The following ZNRF3 variants were observed in gnomAD, a reference collection of about 807,000 sequenced individuals.
The protein encoded by ZNRF3 is E3 ubiquitin-protein ligase ZNRF3.
Under a neutral mutation model 72.5 loss-of-function variants are expected in ZNRF3, and 23 were observed. That is an observed-to-expected ratio of 0.32 (90% CI 0.23 to 0.45). The LOEUF is 0.45. ZNRF3 is among the 20% of genes least tolerant of loss of function. The pLI is 1.00. For synonymous variants in ZNRF3, 610 were observed against 545.3 expected (o/e 1.12, Z -1.65); for missense variants, 1,169 against 1,272.1 (o/e 0.92, Z 1.23).
At chr22:29,037,039 G>A (rs1374794053) in intron 2 of ZNRF3, among the ~76,000 whole-genome samples, 2 of 152,192 alleles carry the variant, frequency 1.3e-5, no homozygotes, top group East Asian at 1.9e-4. Flanking sequence ...AGGAATGTGG[G>A]ACAAATGAGA....
intron 1 of ZNRF3, among the ~76,000 whole-genome samples, chr22:28,892,004 G>C (rs2033896560): frequency 6.6e-6 from 1 of 152,192 alleles, no homozygotes; most frequent in Admixed American, 6.5e-5. Flanking sequence ...GGCATTTAAA[G>C]GGATTTCTGG....
Position 28,963,951 on chromosome 22 carries a change from A to G in ZNRF3, c.301-23125A>G, listed in dbSNP as rs191132607. ...GCCAGAGACGGATGGTTAAAAAGAA[A>G]AGAAAGAAGAAGATCCTGTGGACTT... On this transcript the variant is annotated intron_variant, in intron 1 of 8. Coordinates refer to ENST00000544604, the MANE Select transcript of ZNRF3 (RefSeq NM_001206998.2). Among the ~76,000 whole-genome samples the G allele has an allele frequency of 1.4e-4, 21 of 152,252 alleles. 1 individual carries two copies. The highest frequency in any genetic ancestry group is 1.4e-3 in the Admixed American group (21 of 15,282).
At chr22:28,898,974 G>T (rs2034055589) in intron 1 of ZNRF3, among the ~76,000 whole-genome samples, 1 of 140,082 alleles carries the variant, frequency 7.1e-6, no homozygotes, top group Non-Finnish European at 1.5e-5. Context: ...GGACAGTGGT[G>T]ATTACATGGG....
At chr22:29,042,084 T>A (rs2036973106) in intron 2 of ZNRF3, among the ~76,000 whole-genome samples, 1 of 152,212 alleles carries the variant, frequency 6.6e-6, no homozygotes, top group African/African-American at 2.4e-5. Context: ...GACCTCATGA[T>A]TACCATACAA....
chr22:29,049,467 C>G lies in ZNRF3; in HGVS notation c.1286C>G (p.Ala429Gly). The stretch of plus-strand genomic sequence containing the variant: ...CCCCTCCACCTGGACCACAGCCTGG[C>G]CGCTCACCGCTGCGGCCTGGAGCAC... Reference protein sequence around the residue: ...YPPLHLDHSLAAHRCGLEHRA... With the variant: ...YPPLHLDHSLGAHRCGLEHRA... Residue 429 changes from alanine to glycine, a missense_variant, in exon 8 of 9, where the codon GCC becomes GGC. Around this residue, in one of 2 missense-constraint regions of ZNRF3, gnomAD observed 783 missense variants for 731.4 expected, o/e 1.07. Coordinates refer to ENST00000544604, the MANE Select transcript of ZNRF3 (RefSeq NM_001206998.2). The surrounding 1 kb of genome is among the most constrained non-coding windows in gnomAD (Gnocchi z 5.2). The G allele has an allele frequency of 1.9e-6, 3 of 1,604,954 alleles. No homozygotes were observed. Among genetic ancestry groups the G allele is most frequent in the Non-Finnish European group, 2.5e-6 (3 of 1,179,700 alleles).
intron 1 of ZNRF3, among the ~76,000 whole-genome samples, chr22:28,925,661 A>C (rs1407423457): frequency 2.0e-5 from 3 of 152,070 alleles, no homozygotes; most frequent in Non-Finnish European, 4.4e-5. Context: ...ATTTCACTGT[A>C]TTTGCTTTCT....
chr22:28,939,295 A>AAG (rs1555971088), intron 1 of ZNRF3, among the ~76,000 whole-genome samples: 8 of 151,802 alleles, frequency 5.3e-5, no homozygotes, highest in African/African-American at 1.9e-4. Context: ...AAAAAAAAAA[A>AAG]AAAACAAAAC....
chr22:29,046,171 C>G lies in ZNRF3; in HGVS notation c.745-545C>G, dbSNP rs1440273152. Among the ~76,000 whole-genome samples, 3 of 152,102 alleles carry G rather than the reference C, an allele frequency of 2.0e-5. No individual in the cohort carries two copies. In the East Asian group the frequency reaches 5.8e-4, roughly 29 times the overall value. Reference sequence around the variant, plus strand: ...GAGGATAAGCAGAGATCTGGACCCCCAAATGTATGGCAGGGTCATGTCTCA... The same window carrying G: ...GAGGATAAGCAGAGATCTGGACCCCGAAATGTATGGCAGGGTCATGTCTCA... On this transcript the variant is annotated intron_variant, in intron 5 of 8. Transcript: ENST00000544604.
chr22:28,947,269 T>A (rs982067051), intron 1 of ZNRF3, among the ~76,000 whole-genome samples: 3 of 152,228 alleles, frequency 2.0e-5, no homozygotes, highest in African/African-American at 7.2e-5. Context: ...CTTCAGTCAG[T>A]AGGCATTTGG....
At chr22:28,925,613 G>A (rs1446484895) in intron 1 of ZNRF3, among the ~76,000 whole-genome samples, 1 of 152,062 alleles carries the variant, frequency 6.6e-6, no homozygotes, top group African/African-American at 2.4e-5. Flanking sequence ...TTTTGCAGTC[G>A]ACACCCATAT....
intron 1 of ZNRF3, among the ~76,000 whole-genome samples, chr22:28,930,130 G>A (rs1332053900): frequency 6.6e-6 from 1 of 151,904 alleles, no homozygotes; most frequent in African/African-American, 2.4e-5. Context: ...GTTGCACTTA[G>A]CTCTCAGGTG....
chr22:28,969,306 C>CT (rs2035529262), intron 1 of ZNRF3, among the ~76,000 whole-genome samples: 1 of 152,166 alleles, frequency 6.6e-6, no homozygotes, highest in Non-Finnish European at 1.5e-5. Flanking sequence ...CTGTTCTGTT[C>CT]TTTTTTTCCC....
In ZNRF3 at chr22:28,883,974, C is replaced by A; in HGVS notation, c.208C>A (p.Pro70Thr). The A allele has an allele frequency of 7.6e-7, 1 of 1,320,882 alleles. No individual in the cohort carries two copies. The allele number at this position is 1,320,882 out of a possible 1,614,324, so 81.8% of individuals were successfully genotyped here. ...FVEVVLFESSPSGDYTTYTTG... is the reference protein window; with the variant it reads ...FVEVVLFESSTSGDYTTYTTG... Reference sequence around the variant, plus strand: ...GGAGGTGGTGCTGTTCGAGTCGAGCCCAAGCGGCGATTACACCACCTACAC... The same window carrying A: ...GGAGGTGGTGCTGTTCGAGTCGAGCACAAGCGGCGATTACACCACCTACAC... The change falls in exon 1 of 9, where the codon CCA becomes ACA. Residue 70 changes from proline to threonine, a missense_variant. Pro to Thr is a conservative substitution (Grantham distance 38). Transcript: ENST00000544604. The surrounding 1 kb of genome is among the most constrained non-coding windows in gnomAD (Gnocchi z 5.5).
chr22:29,052,619 G>C (rs2037226366), intron 8 of ZNRF3, among the ~76,000 whole-genome samples: 1 of 151,956 alleles, frequency 6.6e-6, no homozygotes, highest in African/African-American at 2.4e-5. Flanking sequence ...CTTGAACCCG[G>C]GACGCCGTTG....
chr22:29,040,519 A>G (rs2123879721), intron 2 of ZNRF3, among the ~76,000 whole-genome samples: 1 of 151,902 alleles, frequency 6.6e-6, no homozygotes, highest in Middle Eastern at 3.4e-3. Context: ...AGATGGGGAA[A>G]CTGAGGCTGA....
intron 2 of ZNRF3, among the ~76,000 whole-genome samples, chr22:29,006,435 C>T (rs1305175264): frequency 6.6e-6 from 1 of 152,124 alleles, no homozygotes; most frequent in Non-Finnish European, 1.5e-5. Flanking sequence ...TGGTCTCGAA[C>T]TCCTGACCTC....
intron 1 of ZNRF3, among the ~76,000 whole-genome samples, chr22:28,895,954 C>T (rs537586702): frequency 6.6e-5 from 10 of 152,140 alleles, no homozygotes; most frequent in African/African-American, 2.2e-4. Context: ...AGGCTGTCTG[C>T]TGTTCAGGTG....
chr22:29,031,592 A>C (rs1212494776), intron 2 of ZNRF3: 1 of 985,510 alleles, frequency 1.0e-6, no homozygotes, highest in Non-Finnish European at 1.2e-6. Flanking sequence ...GGTCACTACT[A>C]AGTGAAGAAC....
intron 2 of ZNRF3, among the ~76,000 whole-genome samples, chr22:29,001,364 A>G (rs1296559437): frequency 6.6e-6 from 1 of 152,022 alleles, no homozygotes; most frequent in African/African-American, 2.4e-5. Flanking sequence ...TCTTTACTCT[A>G]GACATAAGTC....
Sources: allele counts gnomAD v4.1 joint callset (sites outside exome capture counted in the v4.1 genomes callset), GRCh38; gene constraint gnomAD v4.1.1; regional missense constraint gnomAD v4.1.1; non-coding constraint Gnocchi (gnomAD v3.1); transcripts MANE v1.5; gene names NCBI Gene and HGNC (gene_info 2026-07-23, HGNC 2026-07-21).